The following LINGO2 variants were observed in gnomAD, a reference collection of about 807,000 sequenced individuals.
The protein encoded by LINGO2 is leucine-rich repeat and immunoglobulin-like domain-containing nogo receptor-interacting protein 2.
LINGO2 carries 14 observed loss-of-function variants against 30.6 expected under a neutral mutation model. The observed-to-expected ratio is 0.46, with a 90% confidence interval of 0.30 to 0.72. The LOEUF (loss-of-function observed/expected upper bound fraction) is 0.72. LINGO2 is among the 30% of genes least tolerant of loss of function. The probability of loss-of-function intolerance (pLI) is 0.07; values close to 1 mark genes in which losing one functional copy is unlikely to be tolerated. For missense variants in LINGO2, 729 were observed against 751.7 expected (o/e 0.97, Z 0.35); for synonymous variants, 317 against 288.5 (o/e 1.10, Z -1.00).
At chr9:28,748,208 C>T in the LINGO2 span, among the ~76,000 whole-genome samples, 431 of 151,932 alleles carry the variant, frequency 2.8e-3, 5 homozygotes, top group African/African-American at 9.2e-3. Flanking sequence ...GAAGTGTAGA[C>T]GTTTGGGAAC....
At chr9:27,950,523 G>C in exon 6 of LINGO2, 1 of 1,576,720 alleles carries the variant, frequency 6.3e-7, no homozygotes, top group Non-Finnish European at 8.6e-7. Flanking sequence ...CTCTGGGATG[G>C]CGATCAATCG....
At chr9:29,184,690 CCCTT>C in the LINGO2 span, among the ~76,000 whole-genome samples, 3 of 151,344 alleles carry the variant, frequency 2.0e-5, no homozygotes, top group African/African-American at 7.3e-5. Context: ...CTCCTTTCCT[CCCTT>C]CCTTCCTTCT....
the LINGO2 span, among the ~76,000 whole-genome samples, chr9:28,692,505 G>A: frequency 6.6e-6 from 1 of 151,984 alleles, no homozygotes; most frequent in Non-Finnish European, 1.5e-5. Flanking sequence ...AAAATAAAGT[G>A]ACAATTTCTT....
intron 4 of LINGO2, among the ~76,000 whole-genome samples, chr9:28,101,140 C>G (rs1192431769): frequency 6.6e-6 from 1 of 151,796 alleles, no homozygotes; most frequent in East Asian, 1.9e-4. Context: ...GAAACTAAAG[C>G]TATGAGACAA....
the LINGO2 span, among the ~76,000 whole-genome samples, chr9:29,052,047 C>T: frequency 6.6e-6 from 1 of 152,104 alleles, no homozygotes; most frequent in African/African-American, 2.4e-5. Context: ...CAAACCTCAA[C>T]CCACAAAATG....
chr9:29,191,446 T>C, the LINGO2 span, among the ~76,000 whole-genome samples: 5 of 152,180 alleles, frequency 3.3e-5, no homozygotes, highest in African/African-American at 7.2e-5. Flanking sequence ...TTTTTTATTA[T>C]GACAGGTTAT....
At chr9:29,088,816 C>T in the LINGO2 span, among the ~76,000 whole-genome samples, 1 of 152,112 alleles carries the variant, frequency 6.6e-6, no homozygotes, top group Non-Finnish European at 1.5e-5. Context: ...ACTCATGGAA[C>T]AGTGAAACAA....
At chr9:28,050,907 G>T (rs1824642617) in intron 4 of LINGO2, among the ~76,000 whole-genome samples, 1 of 150,978 alleles carries the variant, frequency 6.6e-6, no homozygotes, top group African/African-American at 2.4e-5. Flanking sequence ...CTACAGATGA[G>T]TTTTTTCAAA....
chr9:28,950,357 C>G, the LINGO2 span, among the ~76,000 whole-genome samples: 1 of 152,174 alleles, frequency 6.6e-6, no homozygotes, highest in Non-Finnish European at 1.5e-5. Flanking sequence ...TCCTCTCTCA[C>G]CACTCCTATT....
chr9:28,039,323 A>T (rs1003010840), intron 4 of LINGO2, among the ~76,000 whole-genome samples: 7 of 152,236 alleles, frequency 4.6e-5, no homozygotes, highest in South Asian at 2.1e-4. Flanking sequence ...AAAGCTTAAG[A>T]AGTTCTATAT....
At chr9:28,637,213 T>G (rs969686503) in intron 1 of LINGO2, among the ~76,000 whole-genome samples, 5 of 152,210 alleles carry the variant, frequency 3.3e-5, no homozygotes, top group Admixed American at 3.3e-4. Flanking sequence ...CATCCTGTTT[T>G]GGTTACTGTA....
At chr9:27,956,485 T>G (rs1410654567) in intron 5 of LINGO2, among the ~76,000 whole-genome samples, 9 of 152,232 alleles carry the variant, frequency 5.9e-5, no homozygotes, top group African/African-American at 2.2e-4. Flanking sequence ...GAATATTTTA[T>G]GCTCATCTAT....
At chr9:29,145,891 G>A in the LINGO2 span, among the ~76,000 whole-genome samples, 7 of 152,090 alleles carry the variant, frequency 4.6e-5, no homozygotes, top group African/African-American at 1.7e-4. Context: ...ACAAAGATAT[G>A]TATTTATGTT....
intron 3 of LINGO2, among the ~76,000 whole-genome samples, chr9:28,371,386 G>A (rs1820890143): frequency 6.6e-6 from 1 of 152,194 alleles, no homozygotes; most frequent in African/African-American, 2.4e-5. Context: ...CAAGATCAAG[G>A]TACAGGCAGG....
chr9:28,966,108 C>A, the LINGO2 span, among the ~76,000 whole-genome samples: 1 of 152,044 alleles, frequency 6.6e-6, no homozygotes, highest in Non-Finnish European at 1.5e-5. Flanking sequence ...GTGATTGGCC[C>A]CTTAGGCTTG....
At chr9:28,727,066 C>A in the LINGO2 span, among the ~76,000 whole-genome samples, 1 of 152,138 alleles carries the variant, frequency 6.6e-6, no homozygotes, top group African/African-American at 2.4e-5. Context: ...AGACCCCTGA[C>A]TAATGCATGC....
the LINGO2 span, among the ~76,000 whole-genome samples, chr9:28,809,975 CT>C: frequency 6.6e-6 from 1 of 152,046 alleles, no homozygotes. Context: ...AACATTGTGC[CT>C]TTGCTTATTG....
At chr9:29,080,233 G>A in the LINGO2 span, among the ~76,000 whole-genome samples, 2 of 152,124 alleles carry the variant, frequency 1.3e-5, no homozygotes, top group African/African-American at 4.8e-5. Context: ...TATTTGTGTA[G>A]AGGTGTTTAC....
At chr9:28,185,908 G>C (rs1819523885) in intron 4 of LINGO2, among the ~76,000 whole-genome samples, 1 of 152,038 alleles carries the variant, frequency 6.6e-6, no homozygotes, top group Non-Finnish European at 1.5e-5. Flanking sequence ...GAAATGTAAA[G>C]GGGATAAAAG....
Sources: allele counts gnomAD v4.1 joint callset (sites outside exome capture counted in the v4.1 genomes callset), GRCh38; gene constraint gnomAD v4.1.1; transcripts MANE v1.5; gene names NCBI Gene and HGNC (gene_info 2026-07-23, HGNC 2026-07-21).